The following STMN2 variants were observed in gnomAD, a reference collection of about 807,000 sequenced individuals.
STMN2 encodes stathmin-2.
STMN2 carries 2 observed loss-of-function variants against 24.1 expected under a neutral mutation model. The observed-to-expected ratio is 0.08, with a 90% CI of 0.03 to 0.26. The LOEUF (loss-of-function observed/expected upper bound fraction) is 0.26, where lower values mean the gene tolerates loss of function less well. Ranked by LOEUF, STMN2 falls within the 10% of genes least tolerant of loss-of-function variation. The probability of loss-of-function intolerance (pLI) is 1.00; values close to 1 mark genes in which losing one functional copy is unlikely to be tolerated. For synonymous variants in STMN2, 83 were observed against 77.5 expected (o/e 1.07, Z -0.37); for missense variants, 114 against 213.6 (o/e 0.53, Z 2.91).
At chr8:79,634,773 C>T (rs935998415) in intron 1 of STMN2, among the ~76,000 whole-genome samples, 6 of 152,074 alleles carry the variant, frequency 3.9e-5, no homozygotes, top group African/African-American at 1.4e-4. Context: ...CTAAAGCATC[C>T]AGGGGTTGAA....
At position 79,629,597 on chromosome 8, in the gene STMN2, A is replaced by C. The variant is rs769019394; in HGVS notation, c.20-7205A>C. ...ATTTTACAAAATTTCGTTGAAGGACACTGGATATTCTTTTTAGGATTATGG... is the reference window on the plus strand; with the variant it reads ...ATTTTACAAAATTTCGTTGAAGGACCCTGGATATTCTTTTTAGGATTATGG... On this transcript the variant is annotated intron_variant, in intron 1 of 4. Transcript: ENST00000220876. Among the ~76,000 whole-genome samples the C allele has an allele frequency of 1.8e-4, 28 of 152,226 alleles. 1 individual carries two copies. Among genetic ancestry groups the C allele is most frequent in the South Asian group, 8.3e-4 (4 of 4,830 alleles).
intron 1 of STMN2, among the ~76,000 whole-genome samples, chr8:79,622,962 T>TAGAA (rs1175647526): frequency 2.6e-5 from 4 of 152,126 alleles, no homozygotes; most frequent in African/African-American, 9.7e-5. Flanking sequence ...AATATCTCAT[T>TAGAA]GCCACCTCCC....
intron 1 of STMN2, among the ~76,000 whole-genome samples, chr8:79,622,279 A>G (rs1563434358): frequency 6.6e-6 from 1 of 152,226 alleles, no homozygotes; most frequent in South Asian, 2.1e-4. Context: ...TTGATTGTTA[A>G]GCATTTGGTC....
At chr8:79,629,600 G>A (rs1809750821) in intron 1 of STMN2, among the ~76,000 whole-genome samples, 3 of 152,150 alleles carry the variant, frequency 2.0e-5, no homozygotes, top group African/African-American at 7.2e-5. Flanking sequence ...GAAGGACACT[G>A]GATATTCTTT....
chr8:79,611,567 T>C (rs1809220442), intron 1 of STMN2, among the ~76,000 whole-genome samples: 1 of 130,402 alleles, frequency 7.7e-6, no homozygotes, highest in East Asian at 2.2e-4. Context: ...AAGTGCTTTA[T>C]AACGACCTTT....
chr8:79,659,964 A>G (rs1207593623), intron 4 of STMN2, among the ~76,000 whole-genome samples: 2 of 152,156 alleles, frequency 1.3e-5, no homozygotes, highest in African/African-American at 4.8e-5. Flanking sequence ...CGTATTTCCA[A>G]AGGTTTCTCT....
chr8:79,654,759 A>G, intron 3 of STMN2, 112 bp from the exon 4 acceptor site: 1 of 1,205,064 alleles, frequency 8.3e-7, no homozygotes, highest in Non-Finnish European at 1.1e-6. Flanking sequence ...AATAGTGCTC[A>G]AGGCTGGGAG....
At chr8:79,616,494 T>G (rs994416399) in intron 1 of STMN2, among the ~76,000 whole-genome samples, 9 of 152,232 alleles carry the variant, frequency 5.9e-5, no homozygotes, top group African/African-American at 2.2e-4. Context: ...GATGTGCATA[T>G]GAATTACCTT....
chr8:79,641,684 A>C, intron 3 of STMN2, 134 bp downstream of exon 3: 2 of 766,698 alleles, frequency 2.6e-6, no homozygotes, highest in Non-Finnish European at 3.9e-6. Context: ...ACAGAGAGCA[A>C]TGACAGCTGA....
chr8:79,624,467 A>G (rs1472204240), intron 1 of STMN2, among the ~76,000 whole-genome samples: 1 of 150,090 alleles, frequency 6.7e-6, no homozygotes, highest in Non-Finnish European at 1.5e-5. Flanking sequence ...AAAAAAAAAA[A>G]AAAAAAAAAA....
rs187758145 is a variant in STMN2, at chr8:79,656,903, T to C, written c.480+1841T>C. Among the ~76,000 whole-genome samples, 674 of 152,282 alleles carry C rather than the reference T, an allele frequency of 4.4e-3. 10 individuals are homozygous for C. The highest frequency in any genetic ancestry group is 7.4e-3 in the Non-Finnish European group (504 of 67,982). The stretch of plus-strand genomic sequence containing the variant: ...TTGTTTGTTTTTTTGAGATAGAGTC[T>C]CGCTGTGTCGCCCAGGCTGGAGTGC... On this transcript the variant is annotated intron_variant, in intron 4 of 4. Coordinates refer to ENST00000220876, the MANE Select transcript of STMN2 (RefSeq NM_007029.4).
At chr8:79,660,420 T>C (rs1354661467) in intron 4 of STMN2, among the ~76,000 whole-genome samples, 2 of 152,190 alleles carry the variant, frequency 1.3e-5, no homozygotes, top group East Asian at 3.8e-4. Flanking sequence ...ACTTGACAAC[T>C]GCTTTCCCCT....
At chr8:79,641,683 A>T in intron 3 of STMN2, 133 bp downstream of exon 3, 1 of 739,814 alleles carries the variant, frequency 1.4e-6, no homozygotes, top group Non-Finnish European at 2.0e-6. Context: ...TACAGAGAGC[A>T]ATGACAGCTG....
At chr8:79,635,415 A>G (rs1298820441) in intron 1 of STMN2, among the ~76,000 whole-genome samples, 4 of 152,206 alleles carry the variant, frequency 2.6e-5, no homozygotes, top group African/African-American at 9.6e-5. Flanking sequence ...GTGTATACCC[A>G]AAGGAGAATA....
chr8:79,643,022 GATGTGTATAT>G, intron 3 of STMN2, among the ~76,000 whole-genome samples: 1 of 147,820 alleles, frequency 6.8e-6, no homozygotes, highest in East Asian at 1.9e-4. Flanking sequence ...GTGTATATGT[GATGTGTATAT>G]ATGTATATGT....
chr8:79,641,624 GCACGCA>G (rs1563442403), intron 3 of STMN2, 74 bp downstream of exon 3: 47 of 476,142 alleles, frequency 9.9e-5, no homozygotes, highest in East Asian at 2.1e-4. Context: ...GGGCACACAT[GCACGCA>G]CACACACACA....
chr8:79,647,169 A>G (rs1445012423), intron 3 of STMN2, among the ~76,000 whole-genome samples: 1 of 152,228 alleles, frequency 6.6e-6, no homozygotes, highest in Non-Finnish European at 1.5e-5. Context: ...TCTACCTAGC[A>G]AACATATTAC....
intron 2 of STMN2, among the ~76,000 whole-genome samples, chr8:79,638,305 G>T (rs1212509342): frequency 1.3e-5 from 2 of 151,962 alleles, no homozygotes; most frequent in Non-Finnish European, 2.9e-5. Flanking sequence ...CTGGGTTAGG[G>T]AATGAAAAAA....
At chr8:79,616,724 G>A (rs530863656) in intron 1 of STMN2, among the ~76,000 whole-genome samples, 37 of 152,122 alleles carry the variant, frequency 2.4e-4, no homozygotes, top group Admixed American at 4.6e-4. Flanking sequence ...TTTTACTTCC[G>A]AACTCATATA....
Sources: allele counts gnomAD v4.1 joint callset (sites outside exome capture counted in the v4.1 genomes callset), GRCh38; gene constraint gnomAD v4.1.1; transcripts MANE v1.5; gene names NCBI Gene and HGNC (gene_info 2026-07-23, HGNC 2026-07-21).